The following NUP188 variants were observed in gnomAD, a reference collection of about 807,000 sequenced individuals.
The protein encoded by NUP188 is nucleoporin NUP188.
A neutral mutation model predicts 223.0 loss-of-function variants in NUP188; 97 were observed. The observed-to-expected ratio is 0.43, with a 90% CI of 0.37 to 0.51. The LOEUF (loss-of-function observed/expected upper bound fraction) is 0.51. Ranked by LOEUF, NUP188 falls within the 20% of genes least tolerant of loss-of-function variation. The pLI is 0.00. For synonymous variants in NUP188, 869 were observed against 828.0 expected (o/e 1.05, Z -0.85); for missense variants, 1,947 against 2,175.6 (o/e 0.89, Z 2.09).
At chr9:128,957,896 A>G in intron 5 of NUP188, 114 bp from the exon 6 acceptor site, 1 of 802,108 alleles carries the variant, frequency 1.2e-6, no homozygotes, top group Non-Finnish European at 2.0e-6. Flanking sequence ...AAGTATATGT[A>G]GAAACAAATG....
chr9:128,987,486 T>C (rs532382743), intron 22 of NUP188, 103 bp from the exon 23 acceptor site: 18 of 1,115,800 alleles, frequency 1.6e-5, no homozygotes, highest in Non-Finnish European at 2.0e-5. Context: ...GTCTCCAGTG[T>C]CCAGTAGGTT....
chr9:128,956,690 C>T (rs1841876055), intron 4 of NUP188, among the ~76,000 whole-genome samples: 1 of 152,210 alleles, frequency 6.6e-6, no homozygotes, highest in Non-Finnish European at 1.5e-5. Flanking sequence ...TGGAAGCTCA[C>T]ATCATGCCTA....
chr9:129,006,309 G>A lies in NUP188; in HGVS notation c.5014G>A (p.Asp1672Asn), dbSNP rs765163090. The A allele has an allele frequency of 9.9e-6, 16 of 1,614,080 alleles. 1 individual carries two copies. The South Asian group carries it at 1.8e-4, about 18-fold the overall frequency. The change falls in exon 43 of 44, where the codon GAC (aspartate) becomes AAC (asparagine). Residue 1672 changes from aspartate to asparagine, a missense_variant. Asp to Asn is a conservative substitution (Grantham distance 23). Coordinates refer to ENST00000372577, the MANE Select transcript of NUP188 (RefSeq NM_015354.3). ...CTCTCAGGCGATGCGGTACCTTAGG[G>A]ACCCGGCTGTGCACCCCCGGGACAA... is the stretch of plus-strand genomic sequence containing the variant. Reference protein sequence around the residue: ...LISQAMRYLRDPAVHPRDKQR... With the variant: ...LISQAMRYLRNPAVHPRDKQR...
chr9:128,973,254 G>C lies in NUP188; in HGVS notation c.1203+5G>C. On this transcript the variant is annotated splice_donor_5th_base_variant and intron_variant, in intron 12 of 43. Transcript: ENST00000372577. ...CACACCCTGGGCAATCAGCAGGTCA[G>C]TGTCTGGCTTTCATGAAGCTGTCTC... is the stretch of plus-strand genomic sequence containing the variant. The C allele has an allele frequency of 6.2e-7, 1 of 1,611,052 alleles. No individual in the cohort carries two copies. Among genetic ancestry groups the C allele is most frequent in the Non-Finnish European group, 8.5e-7 (1 of 1,178,674 alleles).
At chr9:129,000,373 C>T (rs1164899893) in intron 34 of NUP188, among the ~76,000 whole-genome samples, 1 of 152,164 alleles carries the variant, frequency 6.6e-6, no homozygotes, top group East Asian at 1.9e-4. Flanking sequence ...GGGTGGAGTG[C>T]AGTGGTGCGA....
At chr9:128,981,168 C>CA (rs1317532085) in intron 14 of NUP188, 96 bp from the exon 15 acceptor site, 1 of 1,448,700 alleles carries the variant, frequency 6.9e-7, no homozygotes, top group Non-Finnish European at 9.4e-7. Flanking sequence ...GGTGGGCTTG[C>CA]AAGAAGTTTG....
rs967793425 is a variant in NUP188 at position 128,958,807 on chromosome 9, A to G, written c.378A>G (p.Ala126=). The G allele has an allele frequency of 6.4e-7, 1 of 1,569,656 alleles. No individual in the cohort carries two copies. Among genetic ancestry groups the G allele is most frequent in the Non-Finnish European group, 8.7e-7 (1 of 1,153,954 alleles). The change falls in exon 7 of 44, where the codon GCA becomes GCG. Residue 126 remains alanine, a synonymous_variant. Transcript: ENST00000372577. Reference sequence around the variant, plus strand: ...TTGAATTTTGGGTTCCTCAGATTGCAGATTATTATTATGAAGAAAGAACCT... The same window carrying G: ...TTGAATTTTGGGTTCCTCAGATTGCGGATTATTATTATGAAGAAAGAACCT... ...RQSQALILKI[A]DYYYEERTCI... is the part of the protein sequence containing the mutation.
At chr9:128,949,447 C>G (rs1263602434) in intron 2 of NUP188, among the ~76,000 whole-genome samples, 2 of 151,988 alleles carry the variant, frequency 1.3e-5, no homozygotes, top group African/African-American at 4.8e-5. Context: ...ATTCTCCTGC[C>G]TCAGCTTCTC....
chr9:129,005,719 C>T lies in NUP188; in HGVS notation c.4812C>T (p.Ala1604=). ...FTTPTFDSEV[A]PSFGTLLATV... ...CTCCCACCTTTGACTCCGAAGTGGC[C>T]CCCTCCTTCGGGACCCTTCTGGCCA... is the stretch of plus-strand genomic sequence containing the variant. Residue 1604 remains alanine, a synonymous_variant, in exon 41 of 44, where the codon GCC becomes GCT. Transcript: ENST00000372577. The T allele has an allele frequency of 1.2e-6, 2 of 1,614,102 alleles. No individual in the cohort carries two copies. Among genetic ancestry groups the T allele is most frequent in the Middle Eastern group, 3.3e-4 (2 of 6,062 alleles).
intron 24 of NUP188, 142 bp downstream of exon 24, chr9:128,988,328 T>A: frequency 3.3e-6 from 3 of 899,852 alleles, no homozygotes; most frequent in Non-Finnish European, 5.2e-6. Context: ...GATTACCAGC[T>A]CCTTTCCTGA....
intron 24 of NUP188, 121 bp from the exon 25 acceptor site, chr9:128,989,999 T>TC: frequency 1.3e-6 from 1 of 761,668 alleles, no homozygotes; most frequent in South Asian, 1.6e-5. Context: ...GCTGTGGCCC[T>TC]CCAAGTACTT....
Position 128,973,371 on chromosome 9 carries a change from A to AT in NUP188, c.1203+129dup, listed in dbSNP as rs146620302. The AT allele has an allele frequency of 0.014, 8,541 of 626,612 alleles. 580 individuals are homozygous for AT. In the African/African-American group the frequency reaches 0.14, roughly 10 times the overall value. The allele number at this position is 626,612 out of a possible 1,614,324, so 38.8% of individuals were successfully genotyped here. On this transcript the variant is annotated intron_variant, in intron 12 of 43. Transcript: ENST00000372577. ...TGTGTTAATTTGTTTACTGGCACTCATTTTTTTATTTACTTTTTTCTTTTT... is the reference window on the plus strand; with the variant it reads ...TGTGTTAATTTGTTTACTGGCACTCATTTTTTTTATTTACTTTTTTCTTTTT...
intron 13 of NUP188, 73 bp from the exon 14 acceptor site, chr9:128,980,532 AT>A: frequency 6.6e-7 from 1 of 1,506,994 alleles, no homozygotes; most frequent in Non-Finnish European, 9.0e-7. Context: ...TTTTCTCATG[AT>A]TGCTGGGAAA....
rs138823548 is a variant in NUP188, at chr9:129,007,063, A to G, written c.*385A>G. On this transcript the variant is annotated 3_prime_UTR_variant, in exon 44 of 44. Transcript: ENST00000372577. ...TGCAGTTTTGGTAATTCTGTGGTCT[A>G]TTTATACAGATATTAAAATCTTGTT... The G allele has an allele frequency of 7.6e-5, 13 of 171,676 alleles. No individual in the cohort carries two copies. The highest frequency in any genetic ancestry group is 4.3e-4 in the Admixed American group (7 of 16,186). The allele number at this position is 171,676 out of a possible 1,614,324, so 10.6% of individuals were successfully genotyped here. A position where few individuals can be genotyped will look rare whatever the true frequency, so the allele number is the denominator to read the frequency against.
intron 19 of NUP188, among the ~76,000 whole-genome samples, chr9:128,984,124 A>ATGTTTTTTTTTTTTTTT (rs1842296284): frequency 1.1e-5 from 1 of 93,070 alleles, no homozygotes; most frequent in African/African-American, 5.9e-5. Flanking sequence ...GCCTGGCCTG[A>ATGTTTTTTTTTTTTTTT]TTTTTTTTTT....
At position 128,956,501 on chromosome 9, in the gene NUP188, G is replaced by GTA. The variant is rs878900195; in HGVS notation, c.246+68_246+69insAT. ...GTGGATGTGCGTGGTTATATTGCTA[G>GTA]TGATAGTGAAAATTCAGTTTCTTTT... On this transcript the variant is annotated intron_variant, in intron 4 of 43. Transcript: ENST00000372577. The GTA allele has an allele frequency of 1.1e-4, 83 of 770,950 alleles. 1 individual carries two copies. In the South Asian group the frequency reaches 1.6e-3, roughly 14 times the overall value. The allele number at this position is 770,950 out of a possible 1,614,324, so 47.8% of individuals were successfully genotyped here.
rs146458704 is a variant in NUP188, at chr9:129,006,111, C to G, written c.4931C>G (p.Thr1644Ser). ...GGGCTCAGCACACAGGCAGAAGGGA[C>G]CAGGACGTTAAAGTAAGTGCTCTTT... ...AVGLSTQAEG[T>S]RTLKSLLMFT... Residue 1644 changes from threonine (T) to serine (S), a missense_variant, in exon 42 of 44, where the codon ACC becomes AGC. Physicochemically the swap from Thr to Ser is moderately conservative, Grantham distance 58. Transcript: ENST00000372577. The G allele has an allele frequency of 1.7e-5, 28 of 1,614,030 alleles. No homozygotes were observed. The highest frequency in any genetic ancestry group is 2.4e-5 in the Non-Finnish European group (28 of 1,180,022).
chr9:129,002,943 T>G lies in NUP188; in HGVS notation c.4264T>G (p.Phe1422Val), dbSNP rs779274515. The change falls in exon 37 of 44, where the codon TTC becomes GTC. Residue 1422 changes from phenylalanine to valine, a missense_variant. Phe to Val is a conservative substitution (Grantham distance 50, BLOSUM62 -1). Coordinates refer to ENST00000372577, the MANE Select transcript of NUP188 (RefSeq NM_015354.3). ...CAACTTCCTGCCTGAGGCCCTGGACTTCGTGGGTGTCCACCAGGAGCGGAC... is the reference window on the plus strand; with the variant it reads ...CAACTTCCTGCCTGAGGCCCTGGACGTCGTGGGTGTCCACCAGGAGCGGAC... Reference protein sequence around the residue: ...RYNFLPEALDFVGVHQERTLQ... With the variant: ...RYNFLPEALDVVGVHQERTLQ... 8 of 1,614,220 alleles carry G rather than the reference T, an allele frequency of 5.0e-6. No individual in the cohort carries two copies. The Admixed American group carries it at 1.3e-4, about 27-fold the overall frequency.
chr9:128,993,443 C>T (rs754198726), intron 26 of NUP188, 40 bp downstream of exon 26: 2 of 1,612,014 alleles, frequency 1.2e-6, no homozygotes, highest in South Asian at 1.1e-5. Flanking sequence ...AGTTGGCTCA[C>T]TGGGAGGCAG....
Sources: allele counts gnomAD v4.1 joint callset (sites outside exome capture counted in the v4.1 genomes callset), GRCh38; gene constraint gnomAD v4.1.1; transcripts MANE v1.5; gene names NCBI Gene and HGNC (gene_info 2026-07-23, HGNC 2026-07-21).